Variants in TPP2 observed in about 807,000 individuals in gnomAD.
TPP2 encodes tripeptidyl peptidase 2, also known as tripeptidyl-peptidase 2.
In TPP2, 34 loss-of-function variants were observed where a neutral mutation model predicts 155.9. That is an observed-to-expected ratio of 0.22 (90% CI 0.17 to 0.29). The LOEUF (loss-of-function observed/expected upper bound fraction) is 0.29, where lower values mean the gene tolerates loss of function less well. TPP2 is among the 10% of genes least tolerant of loss of function. TPP2 has a pLI of 1.00. For missense variants in TPP2, 1,028 were observed against 1,522.3 expected, an observed-to-expected ratio of 0.68 and a Z score of 5.40; for synonymous variants, 510 against 529.4, an observed-to-expected ratio of 0.96 and a Z score of 0.50.
rs759926897 is a variant in TPP2, at chr13:102,644,911, T to C, written c.2295T>C (p.His765=). Residue 765 remains histidine (H), a splice_region_variant and synonymous_variant, in exon 19 of 30, where the codon CAT becomes CAC. Coordinates refer to ENST00000376052, the MANE Select transcript of TPP2 (RefSeq NM_001330588.2). ...GTAATTTGAGAAATCCTTTGTAGCA[T>C]GCATCGGAAGGAATCAACCGCTTTG... ...IVCTAPQLNI[H]ASEGINRFDV... is the part of the protein sequence containing the mutation. 1.9e-6 allele frequency: 3 copies of C among 1,613,398 alleles called. No homozygotes were observed. The highest frequency in any genetic ancestry group is 2.5e-6 in the Non-Finnish European group (3 of 1,179,698).
At chr13:102,620,456 G>A (rs1204049737) in intron 5 of TPP2, among the ~76,000 whole-genome samples, 1 of 152,076 alleles carries the variant, frequency 6.6e-6, no homozygotes, top group African/African-American at 2.4e-5. Flanking sequence ...TTTGATCTCA[G>A]AGATCCAAAA....
chr13:102,642,165 A>G (rs1882812234), intron 16 of TPP2, among the ~76,000 whole-genome samples: 1 of 152,122 alleles, frequency 6.6e-6, no homozygotes, highest in Non-Finnish European at 1.5e-5. Context: ...ATTTTATAGT[A>G]CTTGGTACAT....
rs1342968648 is a variant in TPP2, at chr13:102,618,806, G to A, written c.580G>A (p.Val194Ile). The A allele has an allele frequency of 5.6e-6, 9 of 1,613,610 alleles. No individual in the cohort carries two copies. The highest frequency in any genetic ancestry group is 1.3e-5 in the African/African-American group (1 of 75,024). ...GAAGAAATACAGCGATCCTGGCCCT[G>A]TATATGACTGCTTGGTATGGCATGA... The part of the protein sequence containing the change: ...FEKKYSDPGP[V>I]YDCLVWHDGE... Residue 194 changes from valine to isoleucine, a missense_variant, in exon 5 of 30, where the codon GTA (valine) becomes ATA (isoleucine). Physicochemically the swap from Val to Ile is conservative, Grantham distance 29. Coordinates refer to ENST00000376052, the MANE Select transcript of TPP2 (RefSeq NM_001330588.2).
intron 2 of TPP2, among the ~76,000 whole-genome samples, chr13:102,605,798 A>C (rs1368291080): frequency 1.3e-5 from 2 of 149,506 alleles, no homozygotes; most frequent in Non-Finnish European, 3.0e-5. Flanking sequence ...ATCTTGGCTC[A>C]CTGCAACCTC....
intron 16 of TPP2, among the ~76,000 whole-genome samples, chr13:102,642,093 A>T (rs142470742): frequency 2.6e-5 from 4 of 152,198 alleles, no homozygotes; most frequent in Non-Finnish European, 4.4e-5. Flanking sequence ...GCAGGTTTCT[A>T]AATTTTCTGG....
chr13:102,624,460 A>G (rs1411949158), intron 6 of TPP2, among the ~76,000 whole-genome samples: 1 of 152,200 alleles, frequency 6.6e-6, no homozygotes, highest in Non-Finnish European at 1.5e-5. Context: ...AATCAAGGTA[A>G]TGAACATACT....
At chr13:102,637,785 A>C (rs1882479761) in intron 14 of TPP2, among the ~76,000 whole-genome samples, 1 of 152,152 alleles carries the variant, frequency 6.6e-6, no homozygotes, top group Non-Finnish European at 1.5e-5. Flanking sequence ...TCTTGGCCTC[A>C]AGTGATCCTC....
At position 102,633,971 on chromosome 13, in the gene TPP2, G is replaced by A; in HGVS notation, c.1266G>A (p.Val422=). 1 of 1,614,046 alleles carries A rather than the reference G, an allele frequency of 6.2e-7. No homozygotes were observed. The highest frequency in any genetic ancestry group is 8.5e-7 in the Non-Finnish European group (1 of 1,179,942). ...TTAGTGCTGACGGGGCCCTTGGTGTGAGTATCAGTGCGCCAGGAGGAGCCA... is the reference window on the plus strand; with the variant it reads ...TTAGTGCTGACGGGGCCCTTGGTGTAAGTATCAGTGCGCCAGGAGGAGCCA... ...RGPSADGALG[V]SISAPGGAIA... Residue 422 remains valine, a synonymous_variant, in exon 11 of 30, where the codon GTG becomes GTA. Transcript: ENST00000376052.
chr13:102,668,476 CAT>C (rs1274337849), intron 27 of TPP2, among the ~76,000 whole-genome samples: 2 of 152,158 alleles, frequency 1.3e-5, no homozygotes, highest in East Asian at 3.8e-4. Context: ...TAGTAAATAA[CAT>C]AAGACAAAAT....
chr13:102,635,794 T>G (rs765015575), intron 12 of TPP2, 92 bp downstream of exon 12: 12 of 959,304 alleles, frequency 1.3e-5, no homozygotes, highest in Non-Finnish European at 1.7e-5. Context: ...ATAACAGTGA[T>G]TCAGTATATC....
At chr13:102,627,671 A>C (rs1881729943) in intron 7 of TPP2, among the ~76,000 whole-genome samples, 177 bp from the exon 8 acceptor site, 1 of 146,048 alleles carries the variant, frequency 6.8e-6, no homozygotes, top group African/African-American at 2.6e-5. Context: ...GTCTCCTCCT[A>C]CCTTTTTGTG....
In TPP2 at chr13:102,665,065, C is replaced by T. The variant is rs913237422; in HGVS notation, c.3371+140C>T. Reference sequence around the variant, plus strand: ...AATGGGAATTATCACTATTTGGATACTCCCCTCCTTAGAAATTTTAAAATA... The same window carrying T: ...AATGGGAATTATCACTATTTGGATATTCCCCTCCTTAGAAATTTTAAAATA... On this transcript the variant is annotated intron_variant, in intron 27 of 29. Coordinates refer to ENST00000376052, the MANE Select transcript of TPP2 (RefSeq NM_001330588.2). The T allele has an allele frequency of 7.5e-6, 8 of 1,061,460 alleles. No individual in the cohort carries two copies. The African/African-American group carries it at 1.2e-4, about 15-fold the overall frequency. 65.8% of individuals were successfully genotyped at this position (1,061,460 alleles called of 1,614,324 possible). A position where few individuals can be genotyped will look rare whatever the true frequency, so the allele number is the denominator to read the frequency against.
chr13:102,634,129 T>C lies in TPP2; in HGVS notation c.1393+31T>C, dbSNP rs748167252. ...CGTGTTCTTTATTGTCCTTACATTA[T>C]TGCAGACCAATATTTTTGTTTTCTG... On this transcript the variant is annotated intron_variant, in intron 11 of 29. Transcript: ENST00000376052. The C allele has an allele frequency of 1.2e-5, 20 of 1,610,050 alleles. No individual in the cohort carries two copies. In the East Asian group the frequency reaches 3.6e-4, roughly 29 times the overall value.
Position 102,637,096 on chromosome 13 carries a change from A to G in TPP2, c.1693A>G (p.Ile565Val). The G allele has an allele frequency of 6.3e-7, 1 of 1,586,890 alleles. No homozygotes were observed. The change falls in exon 14 of 30, where the codon ATA becomes GTA. Residue 565 changes from isoleucine (I) to valine (V), a missense_variant. Physicochemically the swap from Ile to Val is conservative, Grantham distance 29. This residue lies in a region of TPP2 where 325 missense variants were observed against 463.7 expected (regional missense o/e 0.70). Transcript: ENST00000376052. Reference protein sequence around the residue: ...FPENTENSEKISLQLHLALTS... With the variant: ...FPENTENSEKVSLQLHLALTS... ...TTTCGTGCCAGAAAACTCTGAAAAA[A>G]TATCCCTTCAGCTTCATTTAGCTCT...
At chr13:102,641,626 A>G (rs1437778981) in intron 16 of TPP2, among the ~76,000 whole-genome samples, 3 of 152,238 alleles carry the variant, frequency 2.0e-5, no homozygotes, top group Middle Eastern at 3.4e-3. Flanking sequence ...ATCTATCTGT[A>G]TGCTGTCCAT....
chr13:102,667,215 A>G (rs61427565), intron 27 of TPP2, among the ~76,000 whole-genome samples: 152,300 of 152,310 alleles, frequency 1, 76,145 homozygotes, highest in Middle Eastern at 1. Context: ...AATCTTAAAA[A>G]ATATTAACTT....
rs1199667653 is a variant in TPP2, at chr13:102,635,666, T to C, written c.1473T>C (p.Asn491=). 2.5e-6 allele frequency: 4 copies of C among 1,613,336 alleles called. No individual in the cohort carries two copies. The highest frequency in any genetic ancestry group is 1.7e-5 in the Admixed American group (1 of 60,004). ...ALENTAVKAD[N]IEVFAQGHGI... is the part of the protein sequence containing the mutation. Reference sequence around the variant, plus strand: ...AAAACACTGCAGTGAAGGCTGACAATATAGAAGTATTTGCTCAAGGACATG... The same window carrying C: ...AAAACACTGCAGTGAAGGCTGACAACATAGAAGTATTTGCTCAAGGACATG... The change falls in exon 12 of 30, where the codon AAT becomes AAC. Residue 491 remains asparagine (N), a synonymous_variant. Transcript: ENST00000376052.
intron 1 of TPP2, among the ~76,000 whole-genome samples, chr13:102,604,135 C>T (rs1046287628): frequency 6.6e-6 from 1 of 152,096 alleles, no homozygotes; most frequent in Admixed American, 6.5e-5. Flanking sequence ...TAAGCTTGAA[C>T]TTTGTTGCGT....
chr13:102,655,136 G>C (rs540356522), intron 24 of TPP2: 60 of 451,688 alleles, frequency 1.3e-4, no homozygotes, highest in South Asian at 9.4e-4. Flanking sequence ...AGTCAGTGTG[G>C]AGATAGGATT....
Sources: gnomAD v4.1 joint callset for allele counts (sites outside exome capture counted in the v4.1 genomes callset) on GRCh38, gnomAD v4.1.1 for gene constraint, gnomAD v4.1.1 regional missense constraint, MANE v1.5 for transcripts, NCBI Gene and HGNC (gene_info 2026-07-23, HGNC 2026-07-21) for gene names.